Variants in TRPS1 observed in about 807,000 individuals in gnomAD.
The protein encoded by TRPS1 is transcriptional repressor GATA binding 1, also known as zinc finger transcription factor Trps1.
TRPS1 carries 6 observed loss-of-function variants against 101.2 expected under a neutral mutation model. That is an observed-to-expected ratio of 0.06 (90% confidence interval 0.03 to 0.12). The LOEUF is 0.12. Ranked by LOEUF, TRPS1 falls within the 10% of genes least tolerant of loss-of-function variation. The pLI is 1.00. For missense variants in TRPS1, 1,363 were observed against 1,567.0 expected (o/e 0.87, Z 2.20); for synonymous variants, 578 against 589.8 (o/e 0.98, Z 0.29).
chr8:115,576,708 G>A (rs976614369), intron 5 of TRPS1, among the ~76,000 whole-genome samples: 1 of 152,118 alleles, frequency 6.6e-6, no homozygotes, highest in Non-Finnish European at 1.5e-5. Flanking sequence ...CACAGCCAGA[G>A]TTAAATGTGG....
intron 5 of TRPS1, among the ~76,000 whole-genome samples, chr8:115,495,478 A>G (rs1382295168): frequency 1.3e-5 from 2 of 148,712 alleles, no homozygotes; most frequent in Non-Finnish European, 3.0e-5. Flanking sequence ...ATATATATAT[A>G]TTTAAATTAT....
intron 1 of TRPS1, among the ~76,000 whole-genome samples, chr8:115,655,312 G>T (rs2737263): frequency 0.24 from 36,312 of 152,008 alleles, 4,801 homozygotes; most frequent in Admixed American, 0.3. Flanking sequence ...CTTGGCCAAG[G>T]TCTATTTCTC....
chr8:115,475,266 T>TTATATATATATATATATA lies in TRPS1; in HGVS notation c.2701-56832_2701-56815dup, dbSNP rs33922102. ...TTTACTATATATTTTTGAATCACAGTTATATATATATATATATATATATAT... is the reference window on the plus strand; with the variant it reads ...TTTACTATATATTTTTGAATCACAGTTATATATATATATATATATATATATATATATATATATATATAT... On this transcript the variant is annotated intron_variant, in intron 5 of 6. Coordinates refer to ENST00000395715, the MANE Select transcript of TRPS1 (RefSeq NM_014112.5). 1.2e-3 allele frequency among the ~76,000 whole-genome samples: 149 copies of TTATATATATATATATATA among 123,958 alleles called. 1 individual carries two copies. Among genetic ancestry groups the TTATATATATATATATATA allele is most frequent in the African/African-American group, 4.8e-3 (139 of 28,898 alleles). 81.3% of individuals were successfully genotyped at this position (123,958 alleles called of 152,430 possible).
At chr8:115,445,887 C>T (rs547241676) in intron 5 of TRPS1, among the ~76,000 whole-genome samples, 3 of 152,070 alleles carry the variant, frequency 2.0e-5, no homozygotes, top group South Asian at 2.1e-4. Flanking sequence ...GTAACACGCC[C>T]GTCAAAATTT....
chr8:115,650,950 G>A (rs16887605), intron 1 of TRPS1, among the ~76,000 whole-genome samples: 22,909 of 152,034 alleles, frequency 0.15, 5,445 homozygotes, highest in African/African-American at 0.51. Flanking sequence ...CAAGCATTGG[G>A]CCCACTTACA....
At chr8:115,647,481 A>G (rs1439604683) in intron 1 of TRPS1, among the ~76,000 whole-genome samples, 1 of 152,178 alleles carries the variant, frequency 6.6e-6, no homozygotes. Flanking sequence ...ATATACATAT[A>G]TAGCCTTAGT....
intron 1 of TRPS1, among the ~76,000 whole-genome samples, chr8:115,663,436 T>C (rs1034857277): frequency 6.6e-6 from 1 of 151,962 alleles, no homozygotes; most frequent in Non-Finnish European, 1.5e-5. Context: ...TTGTATAAAC[T>C]AAACCACCAG....
rs369786982 is a variant in TRPS1, at chr8:115,647,326, C to A, written c.-122+21219G>T. On this transcript the variant is annotated intron_variant, in intron 1 of 6. Transcript: ENST00000395715. Reference sequence around the variant, plus strand: ...GAGGGTATAAAAAGCATGTCCGTAACAAGAATTAATTTAAAAATAAGCTTG... The same window carrying A: ...GAGGGTATAAAAAGCATGTCCGTAAAAAGAATTAATTTAAAAATAAGCTTG... Among the ~76,000 whole-genome samples, 15 of 152,108 alleles carry A rather than the reference C, an allele frequency of 9.9e-5. No homozygotes were observed. The South Asian group carries it at 2.9e-3, about 29-fold the overall frequency.
Position 115,481,064 on chromosome 8 carries a change from T to C in TRPS1, c.2701-62612A>G, listed in dbSNP as rs73706608. Among the ~76,000 whole-genome samples, 1,256 of 152,244 alleles carry C rather than the reference T, an allele frequency of 8.2e-3. 20 individuals carry two copies. Among genetic ancestry groups the C allele is most frequent in the African/African-American group, 0.029 (1,211 of 41,568 alleles). Reference sequence around the variant, plus strand: ...TTAGAATTTGTTATTTGCCTTTTCTTTCCTGTAAATATGCTGTTTATCTTT... The same window carrying C: ...TTAGAATTTGTTATTTGCCTTTTCTCTCCTGTAAATATGCTGTTTATCTTT... On this transcript the variant is annotated intron_variant, in intron 5 of 6. Transcript: ENST00000395715.
chr8:115,602,036 T>G (rs1011760171), intron 4 of TRPS1, among the ~76,000 whole-genome samples: 1 of 152,052 alleles, frequency 6.6e-6, no homozygotes, highest in African/African-American at 2.4e-5. Context: ...ACCTAAAGCA[T>G]GTGAAAACCC....
intron 1 of TRPS1, among the ~76,000 whole-genome samples, chr8:115,626,939 A>G (rs1818521727): frequency 6.6e-6 from 1 of 151,808 alleles, no homozygotes. Flanking sequence ...TAAGTAATAA[A>G]TGTCCTATTT....
At chr8:115,427,530 T>C (rs577160999) in intron 5 of TRPS1, among the ~76,000 whole-genome samples, 1 of 152,022 alleles carries the variant, frequency 6.6e-6, no homozygotes, top group Non-Finnish European at 1.5e-5. Flanking sequence ...TTAGAAGCAA[T>C]TTGCAACTGC....
Position 115,597,551 on chromosome 8 carries a change from C to T in TRPS1, c.2096+6322G>A, listed in dbSNP as rs145357088. ...ATGTACATTCTCTAATTGTTTGGTA[C>T]AGAATTTGTATATTTTTATCAAATC... is the stretch of plus-strand genomic sequence containing the variant. On this transcript the variant is annotated intron_variant, in intron 4 of 6. Coordinates refer to ENST00000395715, the MANE Select transcript of TRPS1 (RefSeq NM_014112.5). 3.1e-4 allele frequency among the ~76,000 whole-genome samples: 47 copies of T among 152,088 alleles called. No individual in the cohort carries two copies. In the East Asian group the frequency reaches 8.5e-3, roughly 27 times the overall value.
chr8:115,438,745 C>T (rs933137088), intron 5 of TRPS1, among the ~76,000 whole-genome samples: 1 of 152,094 alleles, frequency 6.6e-6, no homozygotes, highest in Non-Finnish European at 1.5e-5. Flanking sequence ...GCCCCTCCTG[C>T]CTTCCTTCTC....
chr8:115,516,196 A>T (rs1422279115), intron 5 of TRPS1, among the ~76,000 whole-genome samples: 1 of 151,490 alleles, frequency 6.6e-6, no homozygotes, highest in African/African-American at 2.4e-5. Flanking sequence ...GTAGGTTTTA[A>T]AAGATATCTA....
In TRPS1 at chr8:115,410,690, G is replaced by C. The variant is rs1295951111; in HGVS notation, c.*3333C>G. The C allele has an allele frequency of 6.6e-6, 1 of 152,470 alleles. No individual in the cohort carries two copies. The highest frequency in any genetic ancestry group is 1.5e-5 in the Non-Finnish European group (1 of 67,968). The allele number at this position is 152,470 out of a possible 1,614,324, so 9.4% of individuals were successfully genotyped here. ...GAATGAATACAGAGGTGAGTGATGA[G>C]AGAAAGAGTGAGAAAAGGAAGAATG... On this transcript the variant is annotated 3_prime_UTR_variant, in exon 7 of 7. Transcript: ENST00000395715.
chr8:115,482,452 A>G (rs560697968), intron 5 of TRPS1, among the ~76,000 whole-genome samples: 1 of 152,312 alleles, frequency 6.6e-6, no homozygotes, highest in South Asian at 2.1e-4. Context: ...AATTACTACG[A>G]ATATCTAAAA....
At chr8:115,450,706 T>C (rs1167855693) in intron 5 of TRPS1, among the ~76,000 whole-genome samples, 1 of 152,024 alleles carries the variant, frequency 6.6e-6, no homozygotes, top group Admixed American at 6.6e-5. Flanking sequence ...ACACCACATA[T>C]ACATGAAAAA....
At chr8:115,615,643 C>G (rs921914761) in intron 3 of TRPS1, among the ~76,000 whole-genome samples, 1 of 152,110 alleles carries the variant, frequency 6.6e-6, no homozygotes, top group Non-Finnish European at 1.5e-5. Context: ...CACCTGTTAT[C>G]TCAGCTACTC....
Sources: allele counts gnomAD v4.1 joint callset (sites outside exome capture counted in the v4.1 genomes callset), GRCh38; gene constraint gnomAD v4.1.1; transcripts MANE v1.5; gene names NCBI Gene and HGNC (gene_info 2026-07-23, HGNC 2026-07-21).